MALRD1: variants seen among roughly 807,000 people sequenced by gnomAD.
MALRD1 encodes MAM and LDL-receptor class A domain-containing protein 1.
Under a neutral mutation model 242.1 loss-of-function variants are expected in MALRD1, and 247 were observed. That is an observed-to-expected ratio of 1.02 (90% CI 0.92 to 1.13). MALRD1 has a LOEUF of 1.13. Ranked by LOEUF, MALRD1 falls within the 50% of genes most tolerant of loss-of-function variation. The pLI is 0.00. For missense variants in MALRD1, 2,989 were observed against 2,533.1 expected, an observed-to-expected ratio of 1.18 and a Z score of -3.86; for synonymous variants, 995 against 866.6, an observed-to-expected ratio of 1.15 and a Z score of -2.60.
At chr10:19,434,657 A>G (rs1834277913) in intron 28 of MALRD1, among the ~76,000 whole-genome samples, 1 of 151,936 alleles carries the variant, frequency 6.6e-6, no homozygotes, top group Non-Finnish European at 1.5e-5. Context: ...ATTTAAAAAT[A>G]TTTTATTGTA....
At chr10:19,318,868 C>T (rs1382399676) in intron 21 of MALRD1, among the ~76,000 whole-genome samples, 1 of 151,480 alleles carries the variant, frequency 6.6e-6, no homozygotes, top group Non-Finnish European at 1.5e-5. Flanking sequence ...GGATATGGTC[C>T]CTAAGTAAAG....
chr10:19,599,000 G>A (rs1441533168), intron 34 of MALRD1, among the ~76,000 whole-genome samples: 1 of 151,516 alleles, frequency 6.6e-6, no homozygotes, highest in East Asian at 1.9e-4. Context: ...CCAAAAAAGT[G>A]GTTTTTGGGA....
rs1836721898 is a variant in MALRD1, at chr10:19,112,731, A to G, written c.694+8656A>G. On this transcript the variant is annotated intron_variant, in intron 5 of 39. Transcript: ENST00000454679. ...GCTAGGCAGGCTAACAAAACTGAAT[A>G]TTTAGCTTTTAGCCTTTGGAATAGA... is the stretch of plus-strand genomic sequence containing the variant. 2.0e-5 allele frequency among the ~76,000 whole-genome samples: 3 copies of G among 152,198 alleles called. No individual in the cohort carries two copies. In the South Asian group the frequency reaches 6.2e-4, roughly 31 times the overall value.
intron 35 of MALRD1, among the ~76,000 whole-genome samples, chr10:19,614,113 A>G (rs1839026850): frequency 6.6e-6 from 1 of 152,000 alleles, no homozygotes; most frequent in Admixed American, 6.6e-5. Context: ...TATTAAACTC[A>G]TACTATGAAC....
intron 4 of MALRD1, among the ~76,000 whole-genome samples, chr10:19,103,560 A>AAAAAT (rs1836351786): frequency 6.7e-6 from 1 of 149,446 alleles, no homozygotes; most frequent in African/African-American, 2.5e-5. Context: ...TCAAAAAAAA[A>AAAAAT]AAAAATAAAT....
At chr10:19,066,885 C>T (rs923571871) in intron 2 of MALRD1, 26 bp downstream of exon 2, 2 of 1,230,200 alleles carry the variant, frequency 1.6e-6, no homozygotes, top group South Asian at 8.2e-5. Flanking sequence ...TTATTTTCTC[C>T]CCTCTCTCCC....
chr10:19,123,306 T>TGTGG (rs1491370102), intron 5 of MALRD1, among the ~76,000 whole-genome samples, 186 bp from the exon 6 acceptor site: 11 of 60,126 alleles, frequency 1.8e-4, no homozygotes, highest in African/African-American at 6.6e-4. Context: ...GTGGTGTGTA[T>TGTGG]GTGTGTGTGT....
At chr10:19,218,944 A>AT (rs777551055) in intron 18 of MALRD1, among the ~76,000 whole-genome samples, 1 of 152,008 alleles carries the variant, frequency 6.6e-6, no homozygotes, top group Non-Finnish European at 1.5e-5. Flanking sequence ...TGAATAAACC[A>AT]TTTTTCTAAT....
intron 38 of MALRD1, among the ~76,000 whole-genome samples, chr10:19,694,275 C>T (rs1395466263): frequency 6.6e-6 from 1 of 152,178 alleles, no homozygotes; most frequent in Admixed American, 6.5e-5. Flanking sequence ...AAACCGCCAT[C>T]AGAGTGAACA....
chr10:19,344,816 G>C lies in MALRD1; in HGVS notation c.3902-2955G>C, dbSNP rs1216964173. Among the ~76,000 whole-genome samples, 4 of 151,918 alleles carry C rather than the reference G, an allele frequency of 2.6e-5. No homozygotes were observed. The East Asian group carries it at 7.7e-4, about 29-fold the overall frequency. ...TTTAGATCTTTGATTTCTCTCATCAGCATTTCGTGGTTTTCAGCCTACAAA... is the reference window on the plus strand; with the variant it reads ...TTTAGATCTTTGATTTCTCTCATCACCATTTCGTGGTTTTCAGCCTACAAA... On this transcript the variant is annotated intron_variant, in intron 24 of 39. Coordinates refer to ENST00000454679, the MANE Select transcript of MALRD1 (RefSeq NM_001142308.3).
chr10:19,064,972 T>C (rs1834927031), intron 1 of MALRD1, among the ~76,000 whole-genome samples: 1 of 151,734 alleles, frequency 6.6e-6, no homozygotes, highest in South Asian at 2.1e-4. Flanking sequence ...TAATGCAAAT[T>C]GAGGGGCAGA....
intron 32 of MALRD1, 121 bp from the exon 33 acceptor site, chr10:19,567,381 A>G (rs1464335066): frequency 1.4e-5 from 12 of 841,398 alleles, no homozygotes; most frequent in Non-Finnish European, 2.2e-5. Context: ...GATAGAAAAT[A>G]CAATAGTCAA....
At chr10:19,678,471 G>A (rs993345150) in intron 36 of MALRD1, among the ~76,000 whole-genome samples, 15 of 152,184 alleles carry the variant, frequency 9.9e-5, no homozygotes, top group East Asian at 1.9e-4. Flanking sequence ...CTCTCTGCTC[G>A]TATATTGTTG....
At chr10:19,368,239 T>C (rs941886940) in intron 26 of MALRD1, among the ~76,000 whole-genome samples, 1 of 152,246 alleles carries the variant, frequency 6.6e-6, no homozygotes, top group African/African-American at 2.4e-5. Flanking sequence ...TTTCTTCTAG[T>C]AGGCTTATAG....
intron 31 of MALRD1, among the ~76,000 whole-genome samples, chr10:19,503,522 A>G (rs1045897079): frequency 6.6e-6 from 1 of 152,238 alleles, no homozygotes; most frequent in African/African-American, 2.4e-5. Flanking sequence ...CTACACATGA[A>G]TACTGTTTAG....
intron 26 of MALRD1, among the ~76,000 whole-genome samples, chr10:19,352,755 A>T (rs984337608): frequency 1.2e-4 from 19 of 152,196 alleles, no homozygotes; most frequent in African/African-American, 4.6e-4. Context: ...GCAGATGATT[A>T]AATGTGTCCA....
At chr10:19,508,095 A>AT (rs1296351015) in intron 31 of MALRD1, among the ~76,000 whole-genome samples, 1 of 139,474 alleles carries the variant, frequency 7.2e-6, no homozygotes. Context: ...TAGGAAAAAA[A>AT]GGAGTTTCTG....
intron 28 of MALRD1, among the ~76,000 whole-genome samples, chr10:19,425,691 G>C (rs1326713448): frequency 3.3e-5 from 5 of 152,168 alleles, no homozygotes; most frequent in Admixed American, 3.3e-4. Flanking sequence ...AAACCGGAGA[G>C]GGAAGTAAGA....
At chr10:19,682,724 C>T (rs1194272623) in intron 36 of MALRD1, among the ~76,000 whole-genome samples, 2 of 152,178 alleles carry the variant, frequency 1.3e-5, no homozygotes, top group East Asian at 1.9e-4. Context: ...TCACCCATGA[C>T]AATGAGAATA....
Sources: allele counts gnomAD v4.1 joint callset (sites outside exome capture counted in the v4.1 genomes callset), GRCh38; gene constraint gnomAD v4.1.1; transcripts MANE v1.5; gene names NCBI Gene and HGNC (gene_info 2026-07-23, HGNC 2026-07-21).